Variants in IMPDH1 observed in about 807,000 individuals in gnomAD.
IMPDH1 encodes the protein inosine monophosphate dehydrogenase 1.
A neutral mutation model predicts 73.5 loss-of-function variants in IMPDH1; 41 were observed. The observed-to-expected ratio is 0.56, with a 90% CI of 0.43 to 0.72. IMPDH1 has a LOEUF of 0.72. Ranked by LOEUF, IMPDH1 falls within the 30% of genes least tolerant of loss-of-function variation. The probability of loss-of-function intolerance (pLI) is 0.00; values close to 1 mark genes in which losing one functional copy is unlikely to be tolerated. For missense variants in IMPDH1, 645 were observed against 824.8 expected (o/e 0.78, Z 2.67); for synonymous variants, 318 against 334.3 (o/e 0.95, Z 0.53).
Position 128,392,713 on chromosome 7 carries a change from TG to T in IMPDH1, c.*293del, listed in dbSNP as rs1454257288. On this transcript the variant is annotated 3_prime_UTR_variant, in exon 17 of 17. Coordinates refer to ENST00000338791, the MANE Select transcript of IMPDH1 (RefSeq NM_000883.4). ...CCTGCCCCTGGGGTGGGGGCCAGGC[TG>T]GAGCAGGCTGCAGCAAGAAAGACCT... 1 of 444,132 alleles carries T rather than the reference TG, an allele frequency of 2.3e-6. No individual in the cohort carries two copies. The highest frequency in any genetic ancestry group is 4.1e-6 in the Non-Finnish European group (1 of 242,540). The allele number at this position is 444,132 out of a possible 1,614,324, so 27.5% of individuals were successfully genotyped here.
rs748340852 is a variant in IMPDH1 at position 128,403,719 on chromosome 7, A to C, written c.389T>G (p.Ile130Arg). 6.8e-6 allele frequency: 11 copies of C among 1,613,834 alleles called. No homozygotes were observed. The highest frequency in any genetic ancestry group is 9.3e-6 in the Non-Finnish European group (11 of 1,179,820). ...FLILPGFIDF[I>R]ADEVDLTSAL... Reference sequence around the variant, plus strand: ...AGAGGTACTCACCACCTCATCAGCTATGAAGTCTATGAATCCTGGGAGAAT... The same window carrying C: ...AGAGGTACTCACCACCTCATCAGCTCTGAAGTCTATGAATCCTGGGAGAAT... The change falls in exon 5 of 17, where the codon ATA (isoleucine) becomes AGA (arginine). Residue 130 changes from isoleucine (I) to arginine (R), a missense_variant. Coordinates refer to ENST00000338791, the MANE Select transcript of IMPDH1 (RefSeq NM_000883.4).
rs753722134 is a variant in IMPDH1, at chr7:128,396,562, C to T, written c.1261+38G>A. 330 of 1,439,732 alleles carry T rather than the reference C, an allele frequency of 2.3e-4. 1 individual carries two copies. The highest frequency in any genetic ancestry group is 2.1e-4 in the Middle Eastern group (1 of 4,656). The allele number at this position is 1,439,732 out of a possible 1,614,324, so 89.2% of individuals were successfully genotyped here. A position where few individuals can be genotyped will look rare whatever the true frequency, so the allele number is the denominator to read the frequency against. On this transcript the variant is annotated intron_variant, in intron 12 of 16. Transcript: ENST00000338791. This position sits in a 1 kb window ranked among gnomAD's most constrained non-coding sequence, Gnocchi z 4.0. The stretch of plus-strand genomic sequence containing the variant: ...CATCTGGGGAACAAAGGCGAGGCCC[C>T]GGGGCCAGCGGGCACTCGCTCACCT...
intron 3 of IMPDH1, among the ~76,000 whole-genome samples, chr7:128,406,735 C>T (rs1013322060): frequency 6.6e-6 from 1 of 152,188 alleles, no homozygotes; most frequent in African/African-American, 2.4e-5. Context: ...CCCAGTGCTT[C>T]GGCTCACCGC....
rs375608202 is a variant in IMPDH1 at position 128,393,000 on chromosome 7, G to A, written c.*7C>T. ...CCCCTCCACCACCTCGGCCTCCACCGCTGTCCTCAGTACAGCCGCTTTTCG... is the reference window on the plus strand; with the variant it reads ...CCCCTCCACCACCTCGGCCTCCACCACTGTCCTCAGTACAGCCGCTTTTCG... On this transcript the variant is annotated 3_prime_UTR_variant, in exon 17 of 17. Transcript: ENST00000338791. 1.4e-5 allele frequency: 22 copies of A among 1,613,618 alleles called. No homozygotes were observed. Among genetic ancestry groups the A allele is most frequent in the African/African-American group, 4.0e-5 (3 of 74,898 alleles).
Position 128,392,833 on chromosome 7 carries a change from G to C in IMPDH1, c.*174C>G, listed in dbSNP as rs903256461. ...CCGGGAGCAGTCCTGACTCTGCAGG[G>C]GATGCCGAGTGAGGGGCAGCAGTCC... On this transcript the variant is annotated 3_prime_UTR_variant, in exon 17 of 17. Transcript: ENST00000338791. 5 of 654,878 alleles carry C rather than the reference G, an allele frequency of 7.6e-6. No individual in the cohort carries two copies. The Admixed American group carries it at 9.3e-5, about 12-fold the overall frequency. The allele number at this position is 654,878 out of a possible 1,614,324, so 40.6% of individuals were successfully genotyped here. A position where few individuals can be genotyped will look rare whatever the true frequency, so the allele number is the denominator to read the frequency against.
intron 1 of IMPDH1, 88 bp from the exon 2 acceptor site, chr7:128,409,572 G>A: frequency 7.8e-6 from 12 of 1,541,140 alleles, no homozygotes; most frequent in Non-Finnish European, 9.0e-6. Flanking sequence ...CACAGTGCCC[G>A]TCTGCATCCC....
In IMPDH1 at chr7:128,394,182, A is replaced by G. The variant is rs1797737500; in HGVS notation, c.1778+96T>C. On this transcript the variant is annotated intron_variant, in intron 16 of 16. Coordinates refer to ENST00000338791, the MANE Select transcript of IMPDH1 (RefSeq NM_000883.4). The surrounding 1 kb of genome is among the most constrained non-coding windows in gnomAD (Gnocchi z 5.5). ...CATCTGTCCCTGCTGCAGGTGGTCCATGGGGTCCCTGGAACCTCAGCTTGA... is the reference window on the plus strand; with the variant it reads ...CATCTGTCCCTGCTGCAGGTGGTCCGTGGGGTCCCTGGAACCTCAGCTTGA... 1 of 990,698 alleles carries G rather than the reference A, an allele frequency of 1.0e-6. No individual in the cohort carries two copies. The highest frequency in any genetic ancestry group is 1.6e-6 in the Non-Finnish European group (1 of 622,314). 61.4% of individuals were successfully genotyped at this position (990,698 alleles called of 1,614,324 possible).
Position 128,400,899 on chromosome 7 carries a change from A to G in IMPDH1, c.505-8T>C, listed in dbSNP as rs1447324247. 1 of 1,613,066 alleles carries G rather than the reference A, an allele frequency of 6.2e-7. No homozygotes were observed. The highest frequency in any genetic ancestry group is 1.7e-5 in the Admixed American group (1 of 60,002). ...ACCAATACCTCCCATCAGCTGATGT[A>G]GAAGGGAAGTGTGGTCAGAGCCGGG... On this transcript the variant is annotated splice_region_variant and splice_polypyrimidine_tract_variant and intron_variant, in intron 6 of 16. Coordinates refer to ENST00000338791, the MANE Select transcript of IMPDH1 (RefSeq NM_000883.4).
intron 3 of IMPDH1, among the ~76,000 whole-genome samples, chr7:128,406,138 C>T (rs1798741685): frequency 6.6e-6 from 1 of 150,542 alleles, no homozygotes; most frequent in Non-Finnish European, 1.5e-5. Flanking sequence ...CGCGCACGCC[C>T]CCAGCTGCCT....
Position 128,394,035 on chromosome 7 carries a change from C to T in IMPDH1, c.1778+243G>A, listed in dbSNP as rs534639532. Among the ~76,000 whole-genome samples, 19 of 152,304 alleles carry T rather than the reference C, an allele frequency of 1.2e-4. No individual in the cohort carries two copies. In the East Asian group the frequency reaches 2.1e-3, roughly 17 times the overall value. ...AGTCCAGGTGCAGTGACTGGCCACACCTCCTGTGCCCTGCTCGGGAGAGGC... is the reference window on the plus strand; with the variant it reads ...AGTCCAGGTGCAGTGACTGGCCACATCTCCTGTGCCCTGCTCGGGAGAGGC... On this transcript the variant is annotated intron_variant, in intron 16 of 16. Transcript: ENST00000338791. The surrounding 1 kb of genome is among the most constrained non-coding windows in gnomAD (Gnocchi z 5.5).
At position 128,394,353 on chromosome 7, in the gene IMPDH1, A is replaced by G; in HGVS notation, c.1703T>C (p.Met568Thr). The G allele has an allele frequency of 6.2e-7, 1 of 1,614,030 alleles. No individual in the cohort carries two copies. The highest frequency in any genetic ancestry group is 1.1e-5 in the South Asian group (1 of 91,088). ...CTCAAACTTGAGCTCTCCTGAGTAC[A>G]TCATGGACCTAGGAGGAAGGTAGGT... is the stretch of plus-strand genomic sequence containing the variant. ...ARSLSVLRSMMYSGELKFEKR... is the reference protein window; with the variant it reads ...ARSLSVLRSMTYSGELKFEKR... Residue 568 changes from methionine (M) to threonine (T), a missense_variant, in exon 16 of 17, where the codon ATG (methionine) becomes ACG (threonine). Transcript: ENST00000338791. This position sits in a 1 kb window ranked among gnomAD's most constrained non-coding sequence, Gnocchi z 5.5.
At chr7:128,400,061 C>T (rs987861927) in intron 9 of IMPDH1, 34 bp downstream of exon 9, 2 of 1,496,726 alleles carry the variant, frequency 1.3e-6, no homozygotes, top group Non-Finnish European at 1.9e-6. Flanking sequence ...GGGAGTCAGG[C>T]TGGGGGTTGA....
chr7:128,395,135 G>A lies in IMPDH1; in HGVS notation c.1401C>T (p.Ser467=). ...CCCAGCACATTCTCCCCTCACCTGT[G>A]GAGGCTCCAAGGGCCAGGGCCTTGA... ...HVVKALALGA[S]TVMMGSLLAA... The change falls in exon 13 of 17, where the codon TCC becomes TCT. Residue 467 remains serine (S), a synonymous_variant. Coordinates refer to ENST00000338791, the MANE Select transcript of IMPDH1 (RefSeq NM_000883.4). 6.2e-7 allele frequency: 1 copy of A among 1,614,050 alleles called. No homozygotes were observed. The highest frequency in any genetic ancestry group is 1.1e-5 in the South Asian group (1 of 91,090).
chr7:128,396,896 C>T lies in IMPDH1; in HGVS notation c.1165+36G>A. 2.7e-6 allele frequency: 4 copies of T among 1,455,512 alleles called. No individual in the cohort carries two copies. Among genetic ancestry groups the T allele is most frequent in the Middle Eastern group, 1.9e-4 (1 of 5,372 alleles). 90.2% of individuals were successfully genotyped at this position (1,455,512 alleles called of 1,614,324 possible). A position where few individuals can be genotyped will look rare whatever the true frequency, so the allele number is the denominator to read the frequency against. ...AGAAAAGGGTTACTCATTGGAGGGGCAGGAGCAGGCGGGTGGGAGGCGACC... is the reference window on the plus strand; with the variant it reads ...AGAAAAGGGTTACTCATTGGAGGGGTAGGAGCAGGCGGGTGGGAGGCGACC... On this transcript the variant is annotated intron_variant, in intron 11 of 16. Transcript: ENST00000338791. This position sits in a 1 kb window ranked among gnomAD's most constrained non-coding sequence, Gnocchi z 4.0.
At chr7:128,408,137 TG>T (rs1262562507) in intron 3 of IMPDH1, among the ~76,000 whole-genome samples, 1 of 152,104 alleles carries the variant, frequency 6.6e-6, no homozygotes, top group African/African-American at 2.4e-5. Flanking sequence ...GAAGGGCTGT[TG>T]TTCCCTGAGA....
At position 128,400,329 on chromosome 7, in the gene IMPDH1, G is replaced by C. The variant is rs770587552; in HGVS notation, c.786+4C>G. 1.1e-5 allele frequency: 18 copies of C among 1,613,264 alleles called. 1 individual carries two copies. The East Asian group carries it at 4.0e-4, about 36-fold the overall frequency. ...CAGCCCTGCTTCCCCTGCCCTGCAG[G>C]TACCTCACTGAGGAGGGTGGTGTGG... On this transcript the variant is annotated splice_donor_region_variant and intron_variant, in intron 8 of 16. Coordinates refer to ENST00000338791, the MANE Select transcript of IMPDH1 (RefSeq NM_000883.4).
At chr7:128,409,226 G>A in intron 3 of IMPDH1, 63 bp downstream of exon 3, 1 of 1,438,752 alleles carries the variant, frequency 7.0e-7, no homozygotes, top group Non-Finnish European at 9.7e-7. Flanking sequence ...GAGACCTTGA[G>A]GTGAGCTGCA....
Position 128,396,625 on chromosome 7 carries a change from G to T in IMPDH1, c.1236C>A (p.Cys412Ter). 6.4e-7 allele frequency: 1 copy of T among 1,555,350 alleles called. No individual in the cohort carries two copies. The highest frequency in any genetic ancestry group is 1.2e-5 in the South Asian group (1 of 84,374). ...GVDGLRVGMG[C>*]GSICITQEVM... Reference sequence around the variant, plus strand: ...CTTCCTGGGTGATGCAGATGGAGCCGCAGCCCATGCCCACGCGCAGCCCGT... The same window carrying T: ...CTTCCTGGGTGATGCAGATGGAGCCTCAGCCCATGCCCACGCGCAGCCCGT... The change falls in exon 12 of 17, where the codon TGC becomes TGA. Residue 412 changes from cysteine (C) to a stop codon, truncating the protein, a stop_gained. Transcript: ENST00000338791. LOFTEE classifies it high-confidence loss of function. The surrounding 1 kb of genome is among the most constrained non-coding windows in gnomAD (Gnocchi z 4.0).
chr7:128,407,414 C>A (rs919912623), intron 3 of IMPDH1, among the ~76,000 whole-genome samples: 1 of 152,166 alleles, frequency 6.6e-6, no homozygotes, highest in Non-Finnish European at 1.5e-5. Flanking sequence ...GTGGGAAGCA[C>A]CTCTGAACCT....
Sources: allele counts gnomAD v4.1 joint callset (sites outside exome capture counted in the v4.1 genomes callset), GRCh38; gene constraint gnomAD v4.1.1; non-coding constraint Gnocchi (gnomAD v3.1); transcripts MANE v1.5; gene names NCBI Gene and HGNC (gene_info 2026-07-23, HGNC 2026-07-21).